Variants in MPP4 observed in about 807,000 individuals in gnomAD.
MPP4 encodes the protein MAGUK p55 subfamily member 4.
MPP4 carries 91 observed loss-of-function variants against 98.3 expected under a neutral mutation model. The ratio of observed to expected loss-of-function variants is 0.93; its 90% confidence interval spans 0.78 to 1.10. The LOEUF (loss-of-function observed/expected upper bound fraction) is 1.10. Ranked by LOEUF, MPP4 falls within the 50% of genes least tolerant of loss-of-function variation. The pLI is 0.00. For missense variants in MPP4, 744 were observed against 792.9 expected (o/e 0.94, Z 0.74); for synonymous variants, 261 against 271.8 (o/e 0.96, Z 0.39).
chr2:201,693,143 A>G, intron 2 of MPP4, 114 bp from the exon 3 acceptor site: 1 of 1,206,650 alleles, frequency 8.3e-7, no homozygotes, highest in Non-Finnish European at 1.1e-6. Context: ...ATGACACTGG[A>G]TCTCAGGCCA....
At chr2:201,694,141 C>A in intron 1 of MPP4, 87 bp from the exon 2 acceptor site, 1 of 1,274,608 alleles carries the variant, frequency 7.8e-7, no homozygotes, top group Non-Finnish European at 1.1e-6. Flanking sequence ...CACAGTCTTC[C>A]CCTGTGGTGC....
In MPP4 at chr2:201,647,681, T is replaced by A. The variant is rs1175911101; in HGVS notation, c.1719+10A>T. The A allele has an allele frequency of 6.2e-7, 1 of 1,612,194 alleles. No homozygotes were observed. Among genetic ancestry groups the A allele is most frequent in the Admixed American group, 1.7e-5 (1 of 59,990 alleles). On this transcript the variant is annotated intron_variant, in intron 21 of 21. Coordinates refer to ENST00000409474, the MANE Select transcript of MPP4 (RefSeq NM_033066.3). ...TGAAAGCAATACAGTAGTTTTTGAC[T>A]TGCTCTTACCTTGAACTTCATGTCC...
At chr2:201,664,021 T>C (rs1688095459) in intron 14 of MPP4, 60 bp downstream of exon 14, 1 of 1,280,326 alleles carries the variant, frequency 7.8e-7, no homozygotes. Context: ...GTGTATAAAT[T>C]GCATCAAAAT....
intron 18 of MPP4, chr2:201,651,972 GAA>G: frequency 4.3e-6 from 2 of 467,282 alleles, no homozygotes; most frequent in Non-Finnish European, 5.0e-6. Flanking sequence ...AAAACAAACA[GAA>G]AAAAAAAAAG....
intron 14 of MPP4, chr2:201,661,342 C>T (rs1009077786): frequency 2.9e-5 from 13 of 453,018 alleles, no homozygotes; most frequent in Admixed American, 2.6e-4. Flanking sequence ...AACTGAAGAA[C>T]CTTAACTGCT....
At chr2:201,651,974 A>G (rs200658650) in intron 18 of MPP4, 8 of 745,530 alleles carry the variant, frequency 1.1e-5, no homozygotes, top group Admixed American at 1.7e-4. Flanking sequence ...AACAAACAGA[A>G]AAAAAAAAAG....
At chr2:201,666,242 A>G (rs1471533518) in intron 13 of MPP4, 92 bp downstream of exon 13, 4 of 1,064,056 alleles carry the variant, frequency 3.8e-6, no homozygotes, top group African/African-American at 3.3e-5. Flanking sequence ...GGAAAGGCCC[A>G]TGGCCCCTTT....
intron 11 of MPP4, among the ~76,000 whole-genome samples, chr2:201,673,873 C>T (rs1394734663): frequency 6.6e-6 from 1 of 152,180 alleles, no homozygotes; most frequent in Non-Finnish European, 1.5e-5. Flanking sequence ...CCTCTCTTTG[C>T]CTCCCCTCCG....
intron 15 of MPP4, among the ~76,000 whole-genome samples, chr2:201,659,854 A>G (rs1687975589): frequency 6.6e-6 from 1 of 152,200 alleles, no homozygotes; most frequent in Non-Finnish European, 1.5e-5. Flanking sequence ...ATATATATAA[A>G]ATATAAAGAG....
intron 6 of MPP4, among the ~76,000 whole-genome samples, chr2:201,685,591 G>A (rs1688805978): frequency 6.6e-6 from 1 of 152,212 alleles, no homozygotes; most frequent in Non-Finnish European, 1.5e-5. Flanking sequence ...ATAGGCAAAT[G>A]CAATGGAATT....
intron 3 of MPP4, 99 bp downstream of exon 3, chr2:201,692,809 A>G: frequency 6.7e-7 from 1 of 1,484,372 alleles, no homozygotes; most frequent in Non-Finnish European, 9.0e-7. Flanking sequence ...TTTATAAACT[A>G]TTCCACTATC....
chr2:201,662,344 T>C (rs1688052153), intron 14 of MPP4, among the ~76,000 whole-genome samples: 1 of 150,220 alleles, frequency 6.7e-6, no homozygotes, highest in African/African-American at 2.4e-5. Flanking sequence ...CTACTAAAAA[T>C]ACAAAAATTA....
chr2:201,689,754 G>C (rs906403188), intron 4 of MPP4, among the ~76,000 whole-genome samples: 3 of 152,152 alleles, frequency 2.0e-5, no homozygotes, highest in Admixed American at 2.0e-4. Flanking sequence ...GTGGGTGGGG[G>C]TGATCGGCAG....
chr2:201,647,754 A>T lies in MPP4; in HGVS notation c.1656T>A (p.Cys552Ter). ...VIFIKPSNMRCMKQSRKNAKV... is the reference protein window; with the variant it reads ...VIFIKPSNMR ...TGGCATTTTTCCGAGATTGTTTCATACACCTCATATTCGATGGCTTTATAA... is the reference window on the plus strand; with the variant it reads ...TGGCATTTTTCCGAGATTGTTTCATTCACCTCATATTCGATGGCTTTATAA... The change falls in exon 21 of 22, where the codon TGT becomes TGA. Residue 552 changes from cysteine to a stop codon, truncating the protein, a stop_gained. Coordinates refer to ENST00000409474, the MANE Select transcript of MPP4 (RefSeq NM_033066.3). LOFTEE classifies it high-confidence loss of function. The T allele has an allele frequency of 6.2e-7, 1 of 1,613,988 alleles. No individual in the cohort carries two copies.
At chr2:201,698,173 G>C (rs80311108) in intron 1 of MPP4, 5 of 771,344 alleles carry the variant, frequency 6.5e-6, no homozygotes, top group African/African-American at 1.9e-5. Context: ...TTTTTAAAAC[G>C]TACTATTAAA....
At chr2:201,648,234 A>T (rs1389029368) in intron 20 of MPP4, among the ~76,000 whole-genome samples, 1 of 151,984 alleles carries the variant, frequency 6.6e-6, no homozygotes, top group African/African-American at 2.4e-5. Flanking sequence ...TGTTGCCCAG[A>T]CTGGTCTCAA....
chr2:201,675,152 T>A (rs961857772), intron 11 of MPP4, 55 bp downstream of exon 11: 2 of 1,533,752 alleles, frequency 1.3e-6, no homozygotes, highest in African/African-American at 2.7e-5. Flanking sequence ...TTTACTGCAA[T>A]GCCATGGTCT....
chr2:201,672,178 A>C (rs528287655), intron 11 of MPP4, among the ~76,000 whole-genome samples: 1 of 152,212 alleles, frequency 6.6e-6, no homozygotes, highest in African/African-American at 2.4e-5. Flanking sequence ...GGCAGAAATA[A>C]ATAAGTTATT....
chr2:201,656,104 G>T, intron 17 of MPP4, 94 bp downstream of exon 17: 2 of 1,359,126 alleles, frequency 1.5e-6, no homozygotes, highest in South Asian at 3.1e-5. Flanking sequence ...TCCATAAAGA[G>T]TTCTACTTTC....
Sources: gnomAD v4.1 joint callset for allele counts (sites outside exome capture counted in the v4.1 genomes callset) on GRCh38, gnomAD v4.1.1 for gene constraint, MANE v1.5 for transcripts, NCBI Gene and HGNC (gene_info 2026-07-23, HGNC 2026-07-21) for gene names.